The following EPHB1 variants were observed in gnomAD, a reference collection of about 807,000 sequenced individuals.
The protein encoded by EPHB1 is ephrin type-B receptor 1.
Under a neutral mutation model 94.4 loss-of-function variants are expected in EPHB1, and 30 were observed. The ratio of observed to expected loss-of-function variants is 0.32; its 90% CI spans 0.24 to 0.43. The LOEUF is 0.43. Ranked by LOEUF, EPHB1 falls within the 20% of genes least tolerant of loss-of-function variation. The pLI is 1.00. For synonymous variants in EPHB1, 522 were observed against 489.1 expected (o/e 1.07, Z -0.89); for missense variants, 1,055 against 1,308.3 (o/e 0.81, Z 2.99).
intron 3 of EPHB1, among the ~76,000 whole-genome samples, chr3:134,981,611 A>G (rs1934405366): frequency 6.6e-6 from 1 of 152,204 alleles, no homozygotes; most frequent in Non-Finnish European, 1.5e-5. Flanking sequence ...TGACAACCAC[A>G]TGCTGTCATT....
intron 1 of EPHB1, chr3:134,840,585 A>C (rs1432315910): frequency 2.6e-5 from 4 of 152,224 alleles, no homozygotes; most frequent in Non-Finnish European, 5.9e-5. Flanking sequence ...ACCTAATTAT[A>C]TAGCTCTTGG....
chr3:135,171,261 GA>G (rs889953271), intron 9 of EPHB1, among the ~76,000 whole-genome samples: 29 of 152,148 alleles, frequency 1.9e-4, no homozygotes, highest in African/African-American at 6.3e-4. Flanking sequence ...TTTTTATTTT[GA>G]AAAAAATATT....
chr3:135,024,687 G>A (rs1936087698), intron 3 of EPHB1, among the ~76,000 whole-genome samples: 1 of 152,050 alleles, frequency 6.6e-6, no homozygotes, highest in South Asian at 2.1e-4. Flanking sequence ...TTAAAGTAAT[G>A]GATTAAACAA....
chr3:135,092,290 A>C (rs1938582812), intron 3 of EPHB1, among the ~76,000 whole-genome samples: 1 of 152,164 alleles, frequency 6.6e-6, no homozygotes, highest in Non-Finnish European at 1.5e-5. Flanking sequence ...TGGGGCTCTC[A>C]GAGTGACCAA....
intron 1 of EPHB1, chr3:134,796,035 T>C: frequency 2.7e-6 from 1 of 364,274 alleles, no homozygotes; most frequent in Admixed American, 5.2e-5. Flanking sequence ...GAGCCAGAGC[T>C]GGGCGTTGGG....
At chr3:135,058,727 C>T (rs1301344496) in intron 3 of EPHB1, among the ~76,000 whole-genome samples, 1 of 152,246 alleles carries the variant, frequency 6.6e-6, no homozygotes, top group Middle Eastern at 3.2e-3. Context: ...CCAGTCAGAG[C>T]ATCCTCTGCT....
intron 9 of EPHB1, among the ~76,000 whole-genome samples, chr3:135,171,531 T>A (rs1421919823): frequency 6.6e-6 from 1 of 152,252 alleles, no homozygotes; most frequent in Non-Finnish European, 1.5e-5. Flanking sequence ...AATTCAGAAC[T>A]ATCCAACAGC....
At chr3:135,128,701 TC>T (rs558952533) in intron 4 of EPHB1, among the ~76,000 whole-genome samples, 9 of 152,256 alleles carry the variant, frequency 5.9e-5, no homozygotes, top group Non-Finnish European at 1.0e-4. Flanking sequence ...TAGTTTTCTC[TC>T]ACTGGAATAT....
chr3:134,894,939 G>A (rs916670876), intron 1 of EPHB1, among the ~76,000 whole-genome samples: 2 of 152,144 alleles, frequency 1.3e-5, no homozygotes, highest in African/African-American at 4.8e-5. Flanking sequence ...TTATGCCAGA[G>A]CCTATTCTTT....
At chr3:135,064,700 C>A (rs1487863445) in intron 3 of EPHB1, among the ~76,000 whole-genome samples, 1 of 151,940 alleles carries the variant, frequency 6.6e-6, no homozygotes, top group East Asian at 1.9e-4. Context: ...GTTTCAATTT[C>A]ATTTAATTCT....
At chr3:135,176,209 G>A (rs1461364601) in intron 9 of EPHB1, among the ~76,000 whole-genome samples, 5 of 152,028 alleles carry the variant, frequency 3.3e-5, no homozygotes, top group South Asian at 2.1e-4. Flanking sequence ...ACAGACTGCC[G>A]CCCCACACAG....
At chr3:135,062,534 G>A (rs567653419) in intron 3 of EPHB1, among the ~76,000 whole-genome samples, 9 of 151,890 alleles carry the variant, frequency 5.9e-5, no homozygotes, top group Middle Eastern at 3.4e-3. Context: ...TTTTTGATGG[G>A]GTTTTTTTTT....
chr3:135,005,622 T>G (rs1935371714), intron 3 of EPHB1, among the ~76,000 whole-genome samples: 1 of 152,232 alleles, frequency 6.6e-6, no homozygotes, highest in Admixed American at 6.5e-5. Context: ...TCCGTGGGTG[T>G]AGGACCCTCC....
intron 7 of EPHB1, among the ~76,000 whole-genome samples, chr3:135,163,284 C>T (rs1941562502): frequency 6.6e-6 from 1 of 152,202 alleles, no homozygotes; most frequent in South Asian, 2.1e-4. Flanking sequence ...GAAGCCAATA[C>T]TTGTGGGCAC....
At chr3:135,044,154 G>A (rs1936929535) in intron 3 of EPHB1, among the ~76,000 whole-genome samples, 2 of 152,226 alleles carry the variant, frequency 1.3e-5, no homozygotes. Context: ...CAGCTTGCCA[G>A]GATGTGAAGG....
chr3:135,199,986 G>C (rs922294815), intron 11 of EPHB1, among the ~76,000 whole-genome samples: 3 of 152,176 alleles, frequency 2.0e-5, no homozygotes, highest in African/African-American at 7.2e-5. Flanking sequence ...TAAGGACTCT[G>C]GGATGCAGGT....
intron 3 of EPHB1, among the ~76,000 whole-genome samples, chr3:135,080,944 G>A (rs1287466717): frequency 6.6e-6 from 1 of 152,166 alleles, no homozygotes; most frequent in East Asian, 1.9e-4. Context: ...TATAATTCCT[G>A]TACAGCCTCT....
At chr3:134,916,557 G>A (rs2038574570) in intron 1 of EPHB1, among the ~76,000 whole-genome samples, 1 of 152,248 alleles carries the variant, frequency 6.6e-6, no homozygotes, top group Non-Finnish European at 1.5e-5. Flanking sequence ...CCAGTGGGCT[G>A]GCACTTCTGG....
chr3:135,132,610 C>T (rs551045082), intron 4 of EPHB1, 104 bp from the exon 5 acceptor site: 27 of 993,088 alleles, frequency 2.7e-5, no homozygotes, highest in South Asian at 2.6e-4. Context: ...GAGTGGGAGG[C>T]GAGCGCACTG....
Sources: gnomAD v4.1 joint callset for allele counts (sites outside exome capture counted in the v4.1 genomes callset) on GRCh38, gnomAD v4.1.1 for gene constraint, MANE v1.5 for transcripts, NCBI Gene and HGNC (gene_info 2026-07-23, HGNC 2026-07-21) for gene names.